CTNND2: variants seen among roughly 807,000 people sequenced by gnomAD.
The protein encoded by CTNND2 is catenin delta-2.
A neutral mutation model predicts 144.4 loss-of-function variants in CTNND2; 22 were observed. That is an observed-to-expected ratio of 0.15 (90% CI 0.11 to 0.22). The LOEUF is 0.22. CTNND2 is among the 10% of genes least tolerant of loss of function. The probability of loss-of-function intolerance (pLI) is 1.00; values close to 1 mark genes in which losing one functional copy is unlikely to be tolerated. For missense variants in CTNND2, 1,353 were observed against 1,618.8 expected (o/e 0.84, Z 2.82); for synonymous variants, 751 against 695.6 (o/e 1.08, Z -1.25).
intron 2 of CTNND2, among the ~76,000 whole-genome samples, chr5:11,596,571 T>C (rs180980698): frequency 2.0e-5 from 3 of 152,352 alleles, no homozygotes; most frequent in East Asian, 1.9e-4. Flanking sequence ...CTTGAAGATA[T>C]ATCACATTTC....
At chr5:11,683,229 C>A (rs1784497932) in intron 2 of CTNND2, among the ~76,000 whole-genome samples, 1 of 152,136 alleles carries the variant, frequency 6.6e-6, no homozygotes, top group African/African-American at 2.4e-5. Context: ...CTTTTAAAAG[C>A]AGTGTATTAG....
intron 1 of CTNND2, among the ~76,000 whole-genome samples, chr5:11,755,906 T>C (rs1251072750): frequency 6.6e-6 from 1 of 151,616 alleles, no homozygotes. Context: ...TCTTTTTTCC[T>C]ACCCTATGTT....
intron 1 of CTNND2, among the ~76,000 whole-genome samples, chr5:11,744,757 A>T (rs1016596142): frequency 1.1e-4 from 16 of 150,936 alleles, no homozygotes; most frequent in Non-Finnish European, 1.8e-4. Flanking sequence ...TATTATTATT[A>T]TTTTTTTGAG....
At chr5:11,211,486 C>G (rs895168944) in intron 10 of CTNND2, among the ~76,000 whole-genome samples, 2 of 152,190 alleles carry the variant, frequency 1.3e-5, no homozygotes, top group Non-Finnish European at 2.9e-5. Context: ...TGGCCAAATT[C>G]TAGGTCTGTT....
At position 11,419,075 on chromosome 5, in the gene CTNND2, G is replaced by T. The variant is rs1172431615; in HGVS notation, c.288-7006C>A. Among the ~76,000 whole-genome samples the T allele has an allele frequency of 6.8e-3, 1,017 of 150,404 alleles. 12 individuals are homozygous for T. Among genetic ancestry groups the T allele is most frequent in the African/African-American group, 0.021 (847 of 40,888 alleles). On this transcript the variant is annotated intron_variant, in intron 3 of 21. Coordinates refer to ENST00000304623, the MANE Select transcript of CTNND2 (RefSeq NM_001332.4). Reference sequence around the variant, plus strand: ...ATCTATATAGATATATATATAGAGAGAGAGAGAATAAAAACATATGAACTG... The same window carrying T: ...ATCTATATAGATATATATATAGAGATAGAGAGAATAAAAACATATGAACTG...
At chr5:11,362,002 C>T (rs1047667346) in intron 8 of CTNND2, among the ~76,000 whole-genome samples, 1 of 152,176 alleles carries the variant, frequency 6.6e-6, no homozygotes, top group Non-Finnish European at 1.5e-5. Flanking sequence ...GCTCGGGTGC[C>T]CTCAGCCACT....
At chr5:11,492,404 A>C (rs1769482220) in intron 3 of CTNND2, among the ~76,000 whole-genome samples, 1 of 152,032 alleles carries the variant, frequency 6.6e-6, no homozygotes. Context: ...AGTATGTGTA[A>C]ATATCAGAAA....
At chr5:11,742,039 G>A (rs1362968537) in intron 1 of CTNND2, among the ~76,000 whole-genome samples, 5 of 151,808 alleles carry the variant, frequency 3.3e-5, no homozygotes, top group Non-Finnish European at 4.4e-5. Context: ...ATGGACTTTG[G>A]GGACTCGGGG....
chr5:11,650,266 G>T (rs769162823), intron 2 of CTNND2, among the ~76,000 whole-genome samples: 1 of 152,144 alleles, frequency 6.6e-6, no homozygotes, highest in Non-Finnish European at 1.5e-5. Flanking sequence ...AGACATGCCT[G>T]CTTCACCTTC....
chr5:11,761,114 G>A (rs1581839447), intron 1 of CTNND2, among the ~76,000 whole-genome samples: 1 of 152,242 alleles, frequency 6.6e-6, no homozygotes, highest in Admixed American at 6.5e-5. Flanking sequence ...ACCGAGTGTT[G>A]AAGGGCTCTT....
chr5:11,732,332 A>G, intron 1 of CTNND2, 60 bp from the exon 2 acceptor site: 1 of 1,528,030 alleles, frequency 6.5e-7, no homozygotes, highest in Non-Finnish European at 9.0e-7. Context: ...AGGTACAACT[A>G]TCAGACCACT....
chr5:11,472,406 G>A (rs750202238), intron 3 of CTNND2, among the ~76,000 whole-genome samples: 1 of 151,802 alleles, frequency 6.6e-6, no homozygotes, highest in African/African-American at 2.4e-5. Flanking sequence ...AAATATTTTC[G>A]TTTCACCCAT....
chr5:11,814,473 G>C (rs748389612), intron 1 of CTNND2, among the ~76,000 whole-genome samples: 9 of 152,208 alleles, frequency 5.9e-5, no homozygotes, highest in Non-Finnish European at 1.0e-4. Context: ...AAGCAGACCT[G>C]TCTAAAATTT....
At chr5:11,205,443 A>G (rs1346121685) in intron 10 of CTNND2, among the ~76,000 whole-genome samples, 1 of 152,180 alleles carries the variant, frequency 6.6e-6, no homozygotes, top group African/African-American at 2.4e-5. Flanking sequence ...AAAATGATAT[A>G]ATTATTACAC....
intron 3 of CTNND2, among the ~76,000 whole-genome samples, chr5:11,541,486 T>C (rs1033692641): frequency 6.6e-6 from 1 of 152,052 alleles, no homozygotes; most frequent in African/African-American, 2.4e-5. Context: ...TAAAAGGACA[T>C]AGGAGGAGAG....
At chr5:11,721,089 T>C (rs920853659) in intron 2 of CTNND2, among the ~76,000 whole-genome samples, 1 of 152,164 alleles carries the variant, frequency 6.6e-6, no homozygotes, top group African/African-American at 2.4e-5. Flanking sequence ...AATGACTGCA[T>C]AAATGAAATG....
chr5:11,337,579 T>C (rs367711797), intron 9 of CTNND2, among the ~76,000 whole-genome samples: 40 of 152,248 alleles, frequency 2.6e-4, no homozygotes, highest in African/African-American at 9.2e-4. Flanking sequence ...ATACATCATA[T>C]ACAATATCAT....
chr5:11,521,652 T>C (rs570611597), intron 3 of CTNND2, among the ~76,000 whole-genome samples: 1 of 152,296 alleles, frequency 6.6e-6, no homozygotes, highest in South Asian at 2.1e-4. Flanking sequence ...CCGGCAAAAA[T>C]TAGGCATTTA....
chr5:11,193,031 T>G (rs1736475544), intron 11 of CTNND2, among the ~76,000 whole-genome samples: 1 of 152,166 alleles, frequency 6.6e-6, no homozygotes, highest in Non-Finnish European at 1.5e-5. Flanking sequence ...GAGGGAGAAC[T>G]GACAATGCAA....
Sources: allele counts gnomAD v4.1 joint callset (sites outside exome capture counted in the v4.1 genomes callset), GRCh38; gene constraint gnomAD v4.1.1; transcripts MANE v1.5; gene names NCBI Gene and HGNC (gene_info 2026-07-23, HGNC 2026-07-21).